Variants in KRI1 observed in about 807,000 individuals in gnomAD.
KRI1 encodes KRI1 homolog, also known as protein KRI1 homolog.
KRI1 carries 83 observed loss-of-function variants against 97.0 expected under a neutral mutation model. That is an observed-to-expected ratio of 0.86 (90% CI 0.72 to 1.03). The LOEUF (loss-of-function observed/expected upper bound fraction) is 1.03. KRI1 is among the 50% of genes least tolerant of loss of function. The pLI, the probability that KRI1 is intolerant of heterozygous loss-of-function variation, is 0.00. For synonymous variants in KRI1, 371 were observed against 363.5 expected (o/e 1.02, Z -0.23); for missense variants, 916 against 928.4 (o/e 0.99, Z 0.17).
Position 10,558,014 on chromosome 19 carries a change from G to T in KRI1, c.1317C>A (p.Asp439Glu). 6.2e-7 allele frequency: 1 copy of T among 1,614,086 alleles called. No homozygotes were observed. The highest frequency in any genetic ancestry group is 1.6e-4 in the Middle Eastern group (1 of 6,062). ...DTWDGPEQEG[D>E]WSQQELHCED... ...CACAGTGCAGCTCCTGCTGGCTCCA[G>T]TCTCCCTCCTGCTCAGGCCCGTCCC... Residue 439 changes from aspartate (D) to glutamate (E), a missense_variant, in exon 14 of 19, where the codon GAC becomes GAA. Asp to Glu is a conservative substitution (Grantham distance 45). Coordinates refer to ENST00000312962, the MANE Select transcript of KRI1 (RefSeq NM_023008.5).
rs149817796 is a variant in KRI1, at chr19:10,559,813, T to A, written c.924A>T (p.Ala308=). 3.7e-6 allele frequency: 6 copies of A among 1,613,786 alleles called. No homozygotes were observed. The African/African-American group carries it at 5.3e-5, about 14-fold the overall frequency. ...CTCCCCAGCCCCAGCCACACACCGA[T>A]GCTGAGTCCGGCTCCTCGAAACGGA... is the stretch of plus-strand genomic sequence containing the variant. ...YNFRFEEPDS[A]SVKTYPRSIA... Residue 308 remains alanine, a synonymous_variant, in exon 10 of 19, where the codon GCA becomes GCT. Coordinates refer to ENST00000312962, the MANE Select transcript of KRI1 (RefSeq NM_023008.5).
chr19:10,565,128 A>AG (rs1417916069), intron 2 of KRI1, 94 bp from the exon 3 acceptor site: 2 of 770,422 alleles, frequency 2.6e-6, no homozygotes, highest in Non-Finnish European at 4.5e-6. Context: ...ATTAGGATGG[A>AG]GGGGGGTGGA....
intron 6 of KRI1, 63 bp downstream of exon 6, chr19:10,561,604 G>T: frequency 6.7e-7 from 1 of 1,494,674 alleles, no homozygotes; most frequent in Non-Finnish European, 9.3e-7. Context: ...TTGAACCCGT[G>T]CCTATCCAAC....
chr19:10,560,915 C>T (rs774043113), intron 8 of KRI1, 88 bp downstream of exon 8: 21 of 1,006,170 alleles, frequency 2.1e-5, no homozygotes, highest in Non-Finnish European at 3.1e-5. Flanking sequence ...GTACATATCC[C>T]ATCTTCAGAG....
rs1228278645 is a variant in KRI1, at chr19:10,559,826, T to C, written c.911A>G (p.Glu304Gly). ...GCCACACACCGATGCTGAGTCCGGC[T>C]CCTCGAAACGGAAATTGTACTTCTG... is the stretch of plus-strand genomic sequence containing the variant. ...FEQKYNFRFE[E>G]PDSASVKTYP... The change falls in exon 10 of 19, where the codon GAG (glutamate) becomes GGG (glycine). Residue 304 changes from glutamate (E) to glycine (G), a missense_variant. Coordinates refer to ENST00000312962, the MANE Select transcript of KRI1 (RefSeq NM_023008.5). The C allele has an allele frequency of 3.1e-6, 5 of 1,613,868 alleles. No individual in the cohort carries two copies. The highest frequency in any genetic ancestry group is 4.2e-6 in the Non-Finnish European group (5 of 1,180,016).
At position 10,557,939 on chromosome 19, in the gene KRI1, G is replaced by A. The variant is rs1916564801; in HGVS notation, c.1359+33C>T. 4 of 1,613,820 alleles carry A rather than the reference G, an allele frequency of 2.5e-6. No homozygotes were observed. The East Asian group carries it at 8.9e-5, about 36-fold the overall frequency. ...CAGATCCCACCAGCCCCCCGTCAGG[G>A]CCCCTGGGACTCCCTCAACCCGTGA... On this transcript the variant is annotated intron_variant, in intron 14 of 18. Coordinates refer to ENST00000312962, the MANE Select transcript of KRI1 (RefSeq NM_023008.5).
rs528540837 is a variant in KRI1 at position 10,562,371 on chromosome 19, T to C, written c.383+358A>G. Reference sequence around the variant, plus strand: ...GGCCTTTTTTCTTTTTGAGACAGGGTCTTATTCTGTTGCCCAGGCTGGAGT... The same window carrying C: ...GGCCTTTTTTCTTTTTGAGACAGGGCCTTATTCTGTTGCCCAGGCTGGAGT... On this transcript the variant is annotated intron_variant, in intron 4 of 18. Transcript: ENST00000312962. Among the ~76,000 whole-genome samples the C allele has an allele frequency of 8.0e-5, 12 of 150,758 alleles. No individual in the cohort carries two copies. The East Asian group carries it at 2.2e-3, about 27-fold the overall frequency.
chr19:10,561,809 A>G lies in KRI1; in HGVS notation c.420T>C (p.Thr140=), dbSNP rs1467158291. ...CACCCACCTGGAGTCTGTGATTGGA[A>G]GTCTCCCCGTCTGAGTTCTCCTCAT... ...YVDEENSDGE[T]SNHRLQETSS... is the part of the protein sequence containing the mutation. The change falls in exon 5 of 19, where the codon ACT becomes ACC. Residue 140 remains threonine, a synonymous_variant. Coordinates refer to ENST00000312962, the MANE Select transcript of KRI1 (RefSeq NM_023008.5). The G allele has an allele frequency of 1.9e-6, 3 of 1,613,990 alleles. No individual in the cohort carries two copies. The highest frequency in any genetic ancestry group is 2.5e-6 in the Non-Finnish European group (3 of 1,179,956).
rs904701770 is a variant in KRI1, at chr19:10,565,049, G to C, written c.169-15C>G. 1.9e-6 allele frequency: 3 copies of C among 1,543,280 alleles called. No individual in the cohort carries two copies. Among genetic ancestry groups the C allele is most frequent in the South Asian group, 1.1e-5 (1 of 89,654 alleles). On this transcript the variant is annotated splice_polypyrimidine_tract_variant and intron_variant, in intron 2 of 18. Transcript: ENST00000312962. ...GGATCAAATTCCTAGGGCAGGAAAA[G>C]GGTTGGGGATAGATTTCAGAAGGGA...
At chr19:10,562,194 C>T (rs1260229528) in intron 4 of KRI1, among the ~76,000 whole-genome samples, 1 of 150,936 alleles carries the variant, frequency 6.6e-6, no homozygotes, top group Middle Eastern at 3.2e-3. Context: ...GGACTACAGG[C>T]GCCCACCACC....
At chr19:10,559,075 G>A (rs892663563) in intron 12 of KRI1, among the ~76,000 whole-genome samples, 24 of 150,914 alleles carry the variant, frequency 1.6e-4, no homozygotes, top group African/African-American at 4.4e-4. Flanking sequence ...CATGATCTCG[G>A]CTTACTGCAA....
At chr19:10,562,014 CGT>C (rs1491109072) in intron 4 of KRI1, among the ~76,000 whole-genome samples, 169 bp from the exon 5 acceptor site, 2,493 of 147,542 alleles carry the variant, frequency 0.017, 57 homozygotes, top group African/African-American at 0.054. Flanking sequence ...GAGTTTCCAG[CGT>C]TTTTTTTTTT....
chr19:10,560,709 G>C lies in KRI1; in HGVS notation c.664-261C>G, dbSNP rs544403031. Among the ~76,000 whole-genome samples the C allele has an allele frequency of 9.9e-4, 150 of 152,268 alleles. No homozygotes were observed. The Middle Eastern group carries it at 0.01, about 10-fold the overall frequency. On this transcript the variant is annotated intron_variant, in intron 8 of 18. Coordinates refer to ENST00000312962, the MANE Select transcript of KRI1 (RefSeq NM_023008.5). ...GCCTCCCAAGTATTTGAGACTACAG[G>C]TGCATGCCACCATGCCTGGCTAATT...
At chr19:10,554,629 T>TC (rs1916438857) in intron 18 of KRI1, among the ~76,000 whole-genome samples, 2 of 152,138 alleles carry the variant, frequency 1.3e-5, no homozygotes, top group Non-Finnish European at 2.9e-5. Flanking sequence ...CACTGCAGCC[T>TC]CCAACTCCTG....
Position 10,559,365 on chromosome 19 carries a change from G to A in KRI1, c.1188C>T (p.Leu396=). Residue 396 remains leucine (L), a synonymous_variant, in exon 12 of 19, where the codon CTC becomes CTT. Coordinates refer to ENST00000312962, the MANE Select transcript of KRI1 (RefSeq NM_023008.5). Reference sequence around the variant, plus strand: ...GCCGGGATGAGGGCCGCACCTGCATGAGCTGGTCGTGCTGGGCAGGGTCGA... The same window carrying A: ...GCCGGGATGAGGGCCGCACCTGCATAAGCTGGTCGTGCTGGGCAGGGTCGA... The part of the protein sequence containing the change: ...DDFDPAQHDQ[L]MQKCFGDEYY... 1 of 1,613,736 alleles carries A rather than the reference G, an allele frequency of 6.2e-7. No individual in the cohort carries two copies. Among genetic ancestry groups the A allele is most frequent in the South Asian group, 1.1e-5 (1 of 91,068 alleles).
rs149340083 is a variant in KRI1 at position 10,557,407 on chromosome 19, G to A, written c.1617+145C>T. On this transcript the variant is annotated intron_variant, in intron 16 of 18. Transcript: ENST00000312962. ...CAGGCATGAGCCACTGCGCCCAACC[G>A]AATATTATCATTTTCAAGATGAAGA... is the stretch of plus-strand genomic sequence containing the variant. 559 of 981,886 alleles carry A rather than the reference G, an allele frequency of 5.7e-4. 5 individuals carry two copies. In the African/African-American group the frequency reaches 6.9e-3, roughly 12 times the overall value. The allele number at this position is 981,886 out of a possible 1,614,324, so 60.8% of individuals were successfully genotyped here.
intron 9 of KRI1, 54 bp downstream of exon 9, chr19:10,560,258 A>C: frequency 6.5e-7 from 1 of 1,529,338 alleles, no homozygotes. Context: ...CCGCCTGGGA[A>C]TACTTCATGA....
Position 10,559,842 on chromosome 19 carries a change from T to C in KRI1, c.895A>G (p.Asn299Asp). Reference sequence around the variant, plus strand: ...GAGTCCGGCTCCTCGAAACGGAAATTGTACTTCTGTTCAAAGTCCTCCTGT... The same window carrying C: ...GAGTCCGGCTCCTCGAAACGGAAATCGTACTTCTGTTCAAAGTCCTCCTGT... ...KKQEDFEQKY[N>D]FRFEEPDSAS... is the part of the protein sequence containing the mutation. Residue 299 changes from asparagine (N) to aspartate (D), a missense_variant, in exon 10 of 19, where the codon AAT (asparagine) becomes GAT (aspartate). By Grantham distance (23) the Asn-to-Asp change is conservative. Transcript: ENST00000312962. The C allele has an allele frequency of 2.5e-6, 4 of 1,613,876 alleles. No homozygotes were observed. Among genetic ancestry groups the C allele is most frequent in the Non-Finnish European group, 3.4e-6 (4 of 1,180,018 alleles).
Position 10,557,672 on chromosome 19 carries a change from C to T in KRI1, c.1497G>A (p.Thr499=), listed in dbSNP as rs746855889. Residue 499 remains threonine, a synonymous_variant, in exon 16 of 19, where the codon ACG becomes ACA. Coordinates refer to ENST00000312962, the MANE Select transcript of KRI1 (RefSeq NM_023008.5). ...EKPVFEPGDK[T]FEEYLDEYYR... is the part of the protein sequence containing the mutation. The stretch of plus-strand genomic sequence containing the variant: ...AATACTCATCCAGGTACTCCTCGAA[C>T]GTCTTGTCCCCTGCTCGAGACAGAG... The T allele has an allele frequency of 3.1e-6, 5 of 1,614,076 alleles. No homozygotes were observed. Among genetic ancestry groups the T allele is most frequent in the East Asian group, 4.5e-5 (2 of 44,896 alleles).
Sources: gnomAD v4.1 joint callset for allele counts (sites outside exome capture counted in the v4.1 genomes callset) on GRCh38, gnomAD v4.1.1 for gene constraint, MANE v1.5 for transcripts, NCBI Gene and HGNC (gene_info 2026-07-23, HGNC 2026-07-21) for gene names.